The following GABRB1 variants were observed in gnomAD, a reference collection of about 807,000 sequenced individuals.
GABRB1 encodes the protein gamma-aminobutyric acid receptor subunit beta-1.
A neutral mutation model predicts 51.6 loss-of-function variants in GABRB1; 17 were observed. The ratio of observed to expected loss-of-function variants is 0.33; its 90% CI spans 0.23 to 0.49. GABRB1 has a LOEUF of 0.49. Among genes scored for constraint, GABRB1 ranks in the 20% least tolerant of loss-of-function variants. The pLI, the probability that GABRB1 is intolerant of heterozygous loss-of-function variation, is 0.99. For missense variants in GABRB1, 410 were observed against 600.6 expected (o/e 0.68, Z 3.32); for synonymous variants, 247 against 218.9 (o/e 1.13, Z -1.14).
intron 5 of GABRB1, among the ~76,000 whole-genome samples, chr4:47,380,842 A>G (rs1727569230): frequency 6.6e-6 from 1 of 152,208 alleles, no homozygotes; most frequent in South Asian, 2.1e-4. Flanking sequence ...TAAGAATTTC[A>G]AAGTCTACAA....
chr4:47,299,823 A>G (rs1016940058), intron 4 of GABRB1, among the ~76,000 whole-genome samples: 2 of 152,042 alleles, frequency 1.3e-5, no homozygotes, highest in African/African-American at 4.8e-5. Context: ...CACAATAGCA[A>G]AGACTTGGAA....
intron 5 of GABRB1, among the ~76,000 whole-genome samples, chr4:47,385,696 C>A (rs2110033861): frequency 1.3e-5 from 2 of 152,270 alleles, no homozygotes; most frequent in South Asian, 4.2e-4. Context: ...GAGTCAGACT[C>A]CACAGGTTTA....
intron 4 of GABRB1, among the ~76,000 whole-genome samples, chr4:47,201,432 G>A (rs1001760701): frequency 6.6e-6 from 1 of 151,994 alleles, no homozygotes; most frequent in African/African-American, 2.4e-5. Flanking sequence ...TTTCCAAATT[G>A]AAAAAATTAC....
chr4:47,362,488 G>C (rs1314320660), intron 5 of GABRB1, among the ~76,000 whole-genome samples: 1 of 152,138 alleles, frequency 6.6e-6, no homozygotes, highest in Non-Finnish European at 1.5e-5. Context: ...CTCACATCAA[G>C]TTATAAAATT....
At chr4:47,069,031 A>T (rs112360467) in intron 3 of GABRB1, among the ~76,000 whole-genome samples, 43 of 152,236 alleles carry the variant, frequency 2.8e-4, no homozygotes, top group African/African-American at 1.0e-3. Context: ...ATCTCATCTC[A>T]TCTCTAAATT....
At chr4:47,108,783 T>C (rs1015776130) in intron 3 of GABRB1, among the ~76,000 whole-genome samples, 2 of 152,052 alleles carry the variant, frequency 1.3e-5, no homozygotes, top group African/African-American at 4.8e-5. Context: ...TTTTGACAAA[T>C]ACAGTTCTGA....
chr4:47,374,764 T>C (rs1181929769), intron 5 of GABRB1, among the ~76,000 whole-genome samples: 5 of 152,188 alleles, frequency 3.3e-5, no homozygotes, highest in South Asian at 2.1e-4. Context: ...AGTTTTTTTT[T>C]CCCCACAGAG....
rs553138364 is a variant in GABRB1 at position 47,407,948 on chromosome 4, C to T, written c.1080+1022C>T. Among the ~76,000 whole-genome samples, 18 of 152,086 alleles carry T rather than the reference C, an allele frequency of 1.2e-4. No homozygotes were observed. In the South Asian group the frequency reaches 2.1e-3, roughly 18 times the overall value. On this transcript the variant is annotated intron_variant, in intron 8 of 8. Coordinates refer to ENST00000295454, the MANE Select transcript of GABRB1 (RefSeq NM_000812.4). ...CTCTACAAAAAATATAAAAATTAGC[C>T]GGGCATTGTGGTGTTTGCCTGTAGT...
intron 3 of GABRB1, among the ~76,000 whole-genome samples, chr4:47,066,757 C>T (rs529063857): frequency 6.6e-6 from 1 of 152,258 alleles, no homozygotes; most frequent in South Asian, 2.1e-4. Flanking sequence ...GTCTTGAACC[C>T]CTCAAAATCA....
chr4:47,382,484 G>A (rs1727629166), intron 5 of GABRB1, among the ~76,000 whole-genome samples: 1 of 152,182 alleles, frequency 6.6e-6, no homozygotes, highest in Non-Finnish European at 1.5e-5. Flanking sequence ...TTGCTTCTAA[G>A]AAGCACTCTG....
chr4:47,279,420 A>G (rs2109904934), intron 4 of GABRB1, among the ~76,000 whole-genome samples: 1 of 152,286 alleles, frequency 6.6e-6, no homozygotes, highest in South Asian at 2.1e-4. Flanking sequence ...TTGCTTCATG[A>G]AAATTTTGCT....
intron 8 of GABRB1, among the ~76,000 whole-genome samples, chr4:47,417,431 A>C (rs921736653): frequency 6.6e-6 from 1 of 152,070 alleles, no homozygotes; most frequent in Non-Finnish European, 1.5e-5. Context: ...GCAAAGCATC[A>C]GCAGAACCTC....
chr4:47,417,404 G>A (rs748394635), intron 8 of GABRB1, among the ~76,000 whole-genome samples: 2 of 151,648 alleles, frequency 1.3e-5, no homozygotes, highest in Non-Finnish European at 2.9e-5. Flanking sequence ...AAGCTTTCAG[G>A]ACATGCAAAG....
intron 3 of GABRB1, among the ~76,000 whole-genome samples, chr4:47,066,367 G>A (rs1727081700): frequency 1.3e-5 from 2 of 152,184 alleles, no homozygotes; most frequent in African/African-American, 4.8e-5. Context: ...TAAGACAATG[G>A]TGTTTGCTGC....
At chr4:47,321,573 T>G (rs1195693963) in intron 5 of GABRB1, among the ~76,000 whole-genome samples, 1 of 125,414 alleles carries the variant, frequency 8.0e-6, no homozygotes, top group Non-Finnish European at 1.7e-5. Context: ...ATATCAAAAA[T>G]GACCACATTC....
At chr4:47,040,878 C>G (rs1337342112) in intron 3 of GABRB1, among the ~76,000 whole-genome samples, 2 of 152,120 alleles carry the variant, frequency 1.3e-5, no homozygotes, top group East Asian at 3.9e-4. Flanking sequence ...TAGACTCTGA[C>G]AGTATTTAGA....
upstream of GABRB1, among the ~76,000 whole-genome samples, chr4:47,029,803 C>A (rs1725228876): frequency 6.6e-6 from 1 of 151,870 alleles, no homozygotes; most frequent in South Asian, 2.1e-4. Flanking sequence ...TCATCTTTTC[C>A]TACTTCTCTT....
At chr4:47,093,375 T>A (rs1026183407) in intron 3 of GABRB1, among the ~76,000 whole-genome samples, 2 of 152,256 alleles carry the variant, frequency 1.3e-5, no homozygotes, top group African/African-American at 4.8e-5. Flanking sequence ...TATTCTAATA[T>A]TATTTTCAGA....
intron 4 of GABRB1, among the ~76,000 whole-genome samples, chr4:47,252,507 C>CTTTTTT (rs34442754): frequency 1.7e-5 from 2 of 116,358 alleles, no homozygotes; most frequent in African/African-American, 3.4e-5. Context: ...TAGCAATTGC[C>CTTTTTT]TTTTTTTTTT....
Sources: allele counts gnomAD v4.1 joint callset (sites outside exome capture counted in the v4.1 genomes callset), GRCh38; gene constraint gnomAD v4.1.1; transcripts MANE v1.5; gene names NCBI Gene and HGNC (gene_info 2026-07-23, HGNC 2026-07-21).